The following AFF3 variants were observed in gnomAD, a reference collection of about 807,000 sequenced individuals.
AFF3 encodes ALF transcription elongation factor 3, also known as AF4/FMR2 family member 3.
Under a neutral mutation model 129.7 loss-of-function variants are expected in AFF3, and 32 were observed. That is an observed-to-expected ratio of 0.25 (90% confidence interval 0.19 to 0.33). The LOEUF (loss-of-function observed/expected upper bound fraction) is 0.33, where lower values mean the gene tolerates loss of function less well. Ranked by LOEUF, AFF3 falls within the 10% of genes least tolerant of loss-of-function variation. The pLI is 1.00. For missense variants in AFF3, 1,373 were observed against 1,592.0 expected, an observed-to-expected ratio of 0.86 and a Z score of 2.34; for synonymous variants, 644 against 635.4, an observed-to-expected ratio of 1.01 and a Z score of -0.20.
intron 7 of AFF3, among the ~76,000 whole-genome samples, chr2:100,005,170 T>C (rs1252158448): frequency 6.6e-6 from 1 of 152,206 alleles, no homozygotes; most frequent in Non-Finnish European, 1.5e-5. Flanking sequence ...AGGTTATTAA[T>C]GACATACCCA....
intron 11 of AFF3, among the ~76,000 whole-genome samples, chr2:99,704,482 G>A (rs991160314): frequency 6.6e-6 from 1 of 152,110 alleles, no homozygotes; most frequent in African/African-American, 2.4e-5. Flanking sequence ...ACACCAGGTG[G>A]CAAGGTGCAG....
At chr2:99,694,078 C>T (rs755238655) in intron 11 of AFF3, among the ~76,000 whole-genome samples, 3 of 151,996 alleles carry the variant, frequency 2.0e-5, no homozygotes, top group Non-Finnish European at 2.9e-5. Flanking sequence ...CCACCACACT[C>T]GGCTAATTTT....
At position 99,814,742 on chromosome 2, in the gene AFF3, G is replaced by A. The variant is rs911337713; in HGVS notation, c.921+22735C>T. 2.6e-5 allele frequency among the ~76,000 whole-genome samples: 4 copies of A among 151,262 alleles called. No individual in the cohort carries two copies. In the South Asian group the frequency reaches 6.2e-4, roughly 24 times the overall value. On this transcript the variant is annotated intron_variant, in intron 8 of 24. Transcript: ENST00000672756. The stretch of plus-strand genomic sequence containing the variant: ...AGTGGAAGAGAGAAGGGGCAACCAT[G>A]TCCCTCCACCCCTCCCAGGATTACA...
At chr2:99,591,080 C>T (rs1678625178) in intron 15 of AFF3, among the ~76,000 whole-genome samples, 1 of 151,934 alleles carries the variant, frequency 6.6e-6, no homozygotes. Flanking sequence ...TATTTCTTTT[C>T]ATGAACTTTC....
At position 99,583,016 on chromosome 2, in the gene AFF3, C is replaced by G. The variant is rs371381239; in HGVS notation, c.2592-17G>C. On this transcript the variant is annotated splice_polypyrimidine_tract_variant and intron_variant, in intron 16 of 24. Transcript: ENST00000672756. ...ATTGCCACACTGAAAAAGGAAATTA[C>G]GGTAATGGAATGTTACAGAGTCAGC... 1.9e-6 allele frequency: 3 copies of G among 1,609,996 alleles called. No homozygotes were observed. Among genetic ancestry groups the G allele is most frequent in the Non-Finnish European group, 2.5e-6 (3 of 1,176,532 alleles).
Position 100,080,721 on chromosome 2 carries a change from G to A in AFF3, c.53+23681C>T, listed in dbSNP as rs569740786. Reference sequence around the variant, plus strand: ...TGATCTGTATGTTGCCCCCACCCCCGGCCAGGATGCAGCCAAAGGACCTGG... The same window carrying A: ...TGATCTGTATGTTGCCCCCACCCCCAGCCAGGATGCAGCCAAAGGACCTGG... On this transcript the variant is annotated intron_variant, in intron 4 of 24. Coordinates refer to ENST00000672756, the MANE Select transcript of AFF3 (RefSeq NM_001386135.1). Among the ~76,000 whole-genome samples, 5 of 152,032 alleles carry A rather than the reference G, an allele frequency of 3.3e-5. 1 individual carries two copies. The South Asian group carries it at 8.3e-4, about 25-fold the overall frequency.
At chr2:99,907,751 A>G (rs1405969574) in intron 7 of AFF3, among the ~76,000 whole-genome samples, 2 of 151,636 alleles carry the variant, frequency 1.3e-5, no homozygotes, top group African/African-American at 4.8e-5. Context: ...CGATCCTCCC[A>G]CCTCAGTCTC....
chr2:100,017,732 A>G (rs375467400), intron 4 of AFF3, among the ~76,000 whole-genome samples: 1 of 152,186 alleles, frequency 6.6e-6, no homozygotes, highest in African/African-American at 2.4e-5. Context: ...CATTCTCCCT[A>G]TTTACAGTGG....
intron 8 of AFF3, among the ~76,000 whole-genome samples, chr2:99,754,197 G>C (rs991421107): frequency 1.4e-4 from 21 of 152,156 alleles, no homozygotes; most frequent in African/African-American, 4.3e-4. Context: ...TTTGCTATAA[G>C]TGGCTTCAAA....
chr2:99,672,747 T>C (rs1490077660), intron 11 of AFF3, among the ~76,000 whole-genome samples, 158 bp from the exon 12 acceptor site: 1 of 152,212 alleles, frequency 6.6e-6, no homozygotes, highest in East Asian at 1.9e-4. Context: ...TTATGCACTT[T>C]TCCTCTGGTG....
At chr2:99,579,884 A>C (rs989568228) in intron 17 of AFF3, among the ~76,000 whole-genome samples, 2 of 152,246 alleles carry the variant, frequency 1.3e-5, no homozygotes, top group Non-Finnish European at 2.9e-5. Context: ...TAGGAAATGC[A>C]AATGGTTTCT....
chr2:99,779,753 A>C (rs1684243274), intron 8 of AFF3, among the ~76,000 whole-genome samples: 1 of 152,166 alleles, frequency 6.6e-6, no homozygotes, highest in Non-Finnish European at 1.5e-5. Context: ...GTAAATGAGA[A>C]CATGTGGTAT....
chr2:99,990,906 T>C (rs1412877604), intron 7 of AFF3, among the ~76,000 whole-genome samples: 1 of 152,086 alleles, frequency 6.6e-6, no homozygotes, highest in Non-Finnish European at 1.5e-5. Flanking sequence ...AAAATGAAAA[T>C]GCCCAGGGCG....
rs184749965 is a variant in AFF3 at position 99,966,865 on chromosome 2, T to C, written c.873+39767A>G. Among the ~76,000 whole-genome samples, 8 of 151,996 alleles carry C rather than the reference T, an allele frequency of 5.3e-5. No individual in the cohort carries two copies. The East Asian group carries it at 1.5e-3, about 29-fold the overall frequency. Reference sequence around the variant, plus strand: ...TTAAATAATTTCATTAAGATAAATATGAAAATGGGAAGAAATTGGAAACAG... The same window carrying C: ...TTAAATAATTTCATTAAGATAAATACGAAAATGGGAAGAAATTGGAAACAG... On this transcript the variant is annotated intron_variant, in intron 7 of 24. Coordinates refer to ENST00000672756, the MANE Select transcript of AFF3 (RefSeq NM_001386135.1).
chr2:100,105,766 C>G, intron 2 of AFF3, 183 bp from the exon 3 acceptor site: 2 of 1,360,246 alleles, frequency 1.5e-6, no homozygotes, highest in Non-Finnish European at 2.0e-6. Context: ...CCAAGGCCCC[C>G]TGACTCTCCT....
intron 15 of AFF3, among the ~76,000 whole-genome samples, chr2:99,592,933 C>CCG (rs1553394541): frequency 1.6e-5 from 1 of 62,996 alleles, no homozygotes; most frequent in African/African-American, 5.9e-5. Flanking sequence ...GAGACTCCCT[C>CCG]CCCCCCCCCC....
intron 13 of AFF3, among the ~76,000 whole-genome samples, chr2:99,628,070 A>T (rs1190846539): frequency 6.6e-6 from 1 of 152,158 alleles, no homozygotes; most frequent in African/African-American, 2.4e-5. Flanking sequence ...TTTCATATGA[A>T]CTTTAAAATA....
chr2:99,598,619 A>G (rs1679519427), intron 14 of AFF3, among the ~76,000 whole-genome samples: 1 of 152,250 alleles, frequency 6.6e-6, no homozygotes, highest in Non-Finnish European at 1.5e-5. Context: ...TCCTACGCCC[A>G]TAGCAGGATG....
chr2:99,909,710 C>T (rs1298162137), intron 7 of AFF3, among the ~76,000 whole-genome samples: 1 of 151,908 alleles, frequency 6.6e-6, no homozygotes, highest in Admixed American at 6.6e-5. Context: ...CAGTGAAAAC[C>T]AAGAATGTGG....
Sources: gnomAD v4.1 joint callset for allele counts (sites outside exome capture counted in the v4.1 genomes callset) on GRCh38, gnomAD v4.1.1 for gene constraint, MANE v1.5 for transcripts, NCBI Gene and HGNC (gene_info 2026-07-23, HGNC 2026-07-21) for gene names.